SHROOM2: variants seen among roughly 807,000 people sequenced by gnomAD.
SHROOM2 encodes the protein shroom family member 2.
A neutral mutation model predicts 75.9 loss-of-function variants in SHROOM2; 33 were observed. The observed-to-expected ratio is 0.43, with a 90% CI of 0.33 to 0.58. The LOEUF (loss-of-function observed/expected upper bound fraction) is 0.58. Among genes scored for constraint, SHROOM2 ranks in the 20% least tolerant of loss-of-function variants. SHROOM2 has a pLI of 0.04. For missense variants in SHROOM2, 1,434 were observed against 1,461.2 expected, an observed-to-expected ratio of 0.98 and a Z score of 0.30; for synonymous variants, 655 against 663.6, an observed-to-expected ratio of 0.99 and a Z score of 0.20.
At chrX:9,933,997 C>G (rs1464522752) in intron 6 of SHROOM2, among the ~76,000 whole-genome samples, 1 of 111,314 alleles carries the variant, frequency 9.0e-6, no homozygotes, top group Admixed American at 9.5e-5. Context: ...GGGGGGTGCT[C>G]TCTGCATCTA....
intron 1 of SHROOM2, among the ~76,000 whole-genome samples, chrX:9,792,403 AAAGGT>A (rs1358209647): frequency 1.1e-4 from 12 of 110,496 alleles, no homozygotes; most frequent in Admixed American, 7.7e-4. Context: ...ATTGCAAAGC[AAAGGT>A]AACATTTTTT....
At chrX:9,820,731 T>C (rs1165001450) in intron 1 of SHROOM2, among the ~76,000 whole-genome samples, 1 of 112,071 alleles carries the variant, frequency 8.9e-6, no homozygotes, top group Non-Finnish European at 1.9e-5. Context: ...CTCTGAAATC[T>C]GTATGAAGTA....
chrX:9,897,796 G>A (rs2084342306), intron 4 of SHROOM2, among the ~76,000 whole-genome samples: 1 of 111,067 alleles, frequency 9.0e-6, no homozygotes, highest in South Asian at 3.7e-4. Flanking sequence ...AATCCACACA[G>A]ATGCTGTGAG....
chrX:9,861,760 G>GAAGC (rs2084104977), intron 1 of SHROOM2, among the ~76,000 whole-genome samples: 1 of 112,050 alleles, frequency 8.9e-6, no homozygotes, highest in Non-Finnish European at 1.9e-5. Flanking sequence ...CCAAGAGTAG[G>GAAGC]AAGCATTTCT....
intron 1 of SHROOM2, among the ~76,000 whole-genome samples, chrX:9,820,478 C>T (rs1366191710): frequency 9.0e-6 from 1 of 111,183 alleles, no homozygotes; most frequent in Non-Finnish European, 1.9e-5. Context: ...AATCCTCCCA[C>T]CTCAGCCCTC....
chrX:9,919,324 CTTTTTTTTTT>C (rs55905923), intron 5 of SHROOM2, among the ~76,000 whole-genome samples: 14 of 32,456 alleles, frequency 4.3e-4, no homozygotes, highest in African/African-American at 1.6e-3. Flanking sequence ...GAGGAGGTTG[CTTTTTTTTTT>C]TTTTTTTTTT....
At chrX:9,848,231 G>A (rs896164156) in intron 1 of SHROOM2, among the ~76,000 whole-genome samples, 4 of 110,927 alleles carry the variant, frequency 3.6e-5, no homozygotes, top group Non-Finnish European at 7.6e-5. Flanking sequence ...ATGGCCGGGC[G>A]CGGTGGCTCA....
intron 1 of SHROOM2, among the ~76,000 whole-genome samples, chrX:9,868,688 G>T (rs1354660567): frequency 9.7e-6 from 1 of 102,697 alleles, no homozygotes; most frequent in Non-Finnish European, 2.0e-5. Context: ...GGTGCCTCCT[G>T]AGTAGCTGGG....
intron 1 of SHROOM2, among the ~76,000 whole-genome samples, chrX:9,841,323 A>G (rs976538524): frequency 5.4e-5 from 6 of 111,793 alleles, no homozygotes; most frequent in African/African-American, 2.0e-4. Context: ...AATAATATGT[A>G]TGTGAGGATT....
At chrX:9,893,478 C>G (rs146942202) in intron 3 of SHROOM2, among the ~76,000 whole-genome samples, 2,526 of 111,727 alleles carry the variant, frequency 0.023, 35 homozygotes, top group Middle Eastern at 0.083. Context: ...CCGCACATCT[C>G]TGTTGCAGTT....
At chrX:9,807,749 G>A (rs959018290) in intron 1 of SHROOM2, among the ~76,000 whole-genome samples, 1 of 112,213 alleles carries the variant, frequency 8.9e-6, no homozygotes, top group Non-Finnish European at 1.9e-5. Flanking sequence ...TCTGTGAAAA[G>A]GCATTTCTCA....
At chrX:9,862,343 C>G (rs1435637582) in intron 1 of SHROOM2, among the ~76,000 whole-genome samples, 1 of 110,142 alleles carries the variant, frequency 9.1e-6, no homozygotes, top group African/African-American at 3.3e-5. Flanking sequence ...TTCTCCCCAC[C>G]CCCTCCAAAG....
chrX:9,887,059 G>C (rs1379696642), intron 2 of SHROOM2, among the ~76,000 whole-genome samples: 1 of 112,491 alleles, frequency 8.9e-6, no homozygotes, highest in African/African-American at 3.2e-5. Context: ...CTGCTAGAAG[G>C]CTTCTGTGGT....
At chrX:9,871,744 T>C (rs1406601580) in intron 1 of SHROOM2, among the ~76,000 whole-genome samples, 1 of 111,925 alleles carries the variant, frequency 8.9e-6, no homozygotes, top group African/African-American at 3.3e-5. Flanking sequence ...AGCTTCAGAA[T>C]TGAGGCATTG....
At chrX:9,801,989 A>G (rs1205933676) in intron 1 of SHROOM2, among the ~76,000 whole-genome samples, 1 of 111,587 alleles carries the variant, frequency 9.0e-6, no homozygotes, top group Non-Finnish European at 1.9e-5. Context: ...TAAAAATAAA[A>G]TTAATTTGAC....
intron 1 of SHROOM2, among the ~76,000 whole-genome samples, chrX:9,849,160 G>T (rs1264311935): frequency 1.8e-5 from 2 of 111,844 alleles, no homozygotes; most frequent in Admixed American, 9.4e-5. Context: ...TAGGAGTGCT[G>T]CAAGCCCTCC....
intron 1 of SHROOM2, among the ~76,000 whole-genome samples, chrX:9,808,719 A>G (rs1459543262): frequency 2.7e-5 from 3 of 110,106 alleles, no homozygotes; most frequent in Non-Finnish European, 5.7e-5. Flanking sequence ...AAAATTAGCC[A>G]GGCGTGGTAT....
intron 1 of SHROOM2, among the ~76,000 whole-genome samples, chrX:9,847,961 G>A (rs941633160): frequency 8.9e-6 from 1 of 111,851 alleles, no homozygotes; most frequent in African/African-American, 3.3e-5. Context: ...AGGGGAAGAT[G>A]GAGAAATAGA....
intron 5 of SHROOM2, among the ~76,000 whole-genome samples, chrX:9,914,355 G>C (rs1404506771): frequency 9.1e-6 from 1 of 109,709 alleles, no homozygotes. Flanking sequence ...TTTGGAGGTT[G>C]AGGAAGGAAG....
Sources: gnomAD v4.1 joint callset for allele counts (sites outside exome capture counted in the v4.1 genomes callset) on GRCh38, gnomAD v4.1.1 for gene constraint, MANE v1.5 for transcripts, NCBI Gene and HGNC (gene_info 2026-07-23, HGNC 2026-07-21) for gene names.